LRRK2: variants seen among roughly 807,000 people sequenced by gnomAD.
LRRK2 encodes leucine rich repeat kinase 2.
Under a neutral mutation model 302.6 loss-of-function variants are expected in LRRK2, and 203 were observed. The observed-to-expected ratio is 0.67, with a 90% CI of 0.60 to 0.75. The LOEUF (loss-of-function observed/expected upper bound fraction) is 0.75. Ranked by LOEUF, LRRK2 falls within the 30% of genes least tolerant of loss-of-function variation. LRRK2 has a pLI of 0.00. For missense variants in LRRK2, 2,830 were observed against 2,951.0 expected, an observed-to-expected ratio of 0.96 and a Z score of 0.95; for synonymous variants, 1,066 against 1,031.9, an observed-to-expected ratio of 1.03 and a Z score of -0.63.
chr12:40,294,834 T>C lies in LRRK2; in HGVS notation c.2809-11T>C. 1 of 1,455,274 alleles carries C rather than the reference T, an allele frequency of 6.9e-7. No homozygotes were observed. Among genetic ancestry groups the C allele is most frequent in the Non-Finnish European group, 9.6e-7 (1 of 1,042,994 alleles). The allele number at this position is 1,455,274 out of a possible 1,614,324, so 90.1% of individuals were successfully genotyped here. ...ATGACAGCAATTTTATTATAAATTA[T>C]TTTTTAATAGGGGCCCATTTTTGAT... On this transcript the variant is annotated splice_polypyrimidine_tract_variant and intron_variant, in intron 21 of 50. Coordinates refer to ENST00000298910, the MANE Select transcript of LRRK2 (RefSeq NM_198578.4).
chr12:40,325,233 G>C (rs547333462), intron 38 of LRRK2, among the ~76,000 whole-genome samples: 1 of 152,170 alleles, frequency 6.6e-6, no homozygotes, highest in African/African-American at 2.4e-5. Context: ...GTTGCAGTGA[G>C]CCGAGGTTGT....
chr12:40,309,885 A>G (rs1175008454), intron 30 of LRRK2, among the ~76,000 whole-genome samples: 5 of 152,144 alleles, frequency 3.3e-5, no homozygotes, highest in African/African-American at 1.2e-4. Context: ...TTGTTTTGTA[A>G]TTTGGGTATT....
intron 12 of LRRK2, among the ~76,000 whole-genome samples, chr12:40,259,212 G>A (rs1481909801): frequency 6.6e-6 from 1 of 152,164 alleles, no homozygotes; most frequent in Non-Finnish European, 1.5e-5. Flanking sequence ...TGCTGGGATT[G>A]TTGTTATTGA....
chr12:40,274,016 T>C (rs988134279), intron 14 of LRRK2, among the ~76,000 whole-genome samples: 10 of 152,206 alleles, frequency 6.6e-5, no homozygotes, highest in Non-Finnish European at 1.2e-4. Context: ...GCCCAATGCA[T>C]ATTAGCTCTG....
intron 7 of LRRK2, 56 bp downstream of exon 7, chr12:40,243,737 A>T: frequency 2.8e-6 from 4 of 1,454,380 alleles, no homozygotes; most frequent in Non-Finnish European, 3.8e-6. Flanking sequence ...TATACATATA[A>T]AACATATATA....
intron 2 of LRRK2, among the ~76,000 whole-genome samples, chr12:40,229,872 T>C (rs1032875326): frequency 2.6e-5 from 4 of 152,080 alleles, no homozygotes; most frequent in Non-Finnish European, 4.4e-5. Flanking sequence ...TTACTGATAC[T>C]GTTGCTTCAC....
Position 40,322,046 on chromosome 12 carries a change from C to G in LRRK2, c.5182C>G (p.Arg1728Gly), listed in dbSNP as rs201292708. Residue 1728 changes from arginine (R) to glycine (G), a missense_variant, in exon 36 of 51, where the codon CGC becomes GGC. Physicochemically the swap from Arg to Gly is moderately radical, Grantham distance 125. Transcript: ENST00000298910. ...YMLSGRERAL[R>G]PNRMYWRQGI... is the part of the protein sequence containing the mutation. ...GCTCCATTTTTTAGAACGAGCACTTCGCCCAAACAGAATGTATTGGCGACA... is the reference window on the plus strand; with the variant it reads ...GCTCCATTTTTTAGAACGAGCACTTGGCCCAAACAGAATGTATTGGCGACA... The G allele has an allele frequency of 6.2e-7, 1 of 1,613,102 alleles. No individual in the cohort carries two copies. Among genetic ancestry groups the G allele is most frequent in the Non-Finnish European group, 8.5e-7 (1 of 1,179,416 alleles).
At chr12:40,311,503 ATGATCAAGATACTGGC>A (rs1945037224) in intron 31 of LRRK2, among the ~76,000 whole-genome samples, 1 of 152,202 alleles carries the variant, frequency 6.6e-6, no homozygotes, top group South Asian at 2.1e-4. Context: ...AATAGCACTA[ATGATCAAGATACTGGC>A]TGATAAATAG....
chr12:40,315,114 C>A, intron 32 of LRRK2, 98 bp from the exon 33 acceptor site: 1 of 973,220 alleles, frequency 1.0e-6, no homozygotes, highest in Non-Finnish European at 1.7e-6. Flanking sequence ...GAAATTTCTT[C>A]ACCTGCAAAA....
At chr12:40,299,075 G>A (rs762384167) in intron 24 of LRRK2, 34 bp from the exon 25 acceptor site, 1 of 1,605,176 alleles carries the variant, frequency 6.2e-7, no homozygotes, top group East Asian at 2.2e-5. Context: ...ATGAATTTAT[G>A]CAATTTAATC....
chr12:40,315,664 G>A lies in LRRK2; in HGVS notation c.4827+364G>A, dbSNP rs186283719. On this transcript the variant is annotated intron_variant, in intron 33 of 50. Coordinates refer to ENST00000298910, the MANE Select transcript of LRRK2 (RefSeq NM_198578.4). ...ACATATAAGAAAATTAGGTTGCTGA[G>A]CCTGTGAAACCTCTATCTAGATAAC... is the stretch of plus-strand genomic sequence containing the variant. Among the ~76,000 whole-genome samples, 644 of 152,132 alleles carry A rather than the reference G, an allele frequency of 4.2e-3. 3 individuals carry two copies. Among genetic ancestry groups the A allele is most frequent in the Middle Eastern group, 0.02 (6 of 294 alleles).
chr12:40,355,976 A>C, intron 45 of LRRK2, 139 bp from the exon 46 acceptor site: 1 of 632,066 alleles, frequency 1.6e-6, no homozygotes, highest in Non-Finnish European at 2.8e-6. Flanking sequence ...TTCTAAAGTA[A>C]ATACTCTAAG....
chr12:40,356,161 G>A lies in LRRK2; in HGVS notation c.6817G>A (p.Ala2273Thr). ...LLVGTADGKL[A>T]IFEDKTVKLK... ...GGTTGGAACCGCTGATGGCAAGTTA[G>A]CAATTTTTGAAGATAAGACTGTTAA... Residue 2273 changes from alanine (A) to threonine (T), a missense_variant, in exon 46 of 51, where the codon GCA (alanine) becomes ACA (threonine). Ala to Thr is a moderately conservative substitution (Grantham distance 58). Coordinates refer to ENST00000298910, the MANE Select transcript of LRRK2 (RefSeq NM_198578.4). 6.2e-7 allele frequency: 1 copy of A among 1,612,112 alleles called. No individual in the cohort carries two copies. Among genetic ancestry groups the A allele is most frequent in the Non-Finnish European group, 8.5e-7 (1 of 1,179,120 alleles).
chr12:40,234,836 C>T (rs1941376426), intron 3 of LRRK2, among the ~76,000 whole-genome samples: 1 of 151,834 alleles, frequency 6.6e-6, no homozygotes, highest in South Asian at 2.1e-4. Context: ...TATAAATTTA[C>T]ATCATATATA....
chr12:40,325,470 A>C (rs1457886096), intron 38 of LRRK2, among the ~76,000 whole-genome samples: 1 of 152,004 alleles, frequency 6.6e-6, no homozygotes, highest in Non-Finnish European at 1.5e-5. Context: ...TGGATAACTA[A>C]CTCTTTCTTA....
intron 28 of LRRK2, among the ~76,000 whole-genome samples, chr12:40,307,125 G>C (rs1178331495): frequency 6.6e-6 from 1 of 151,744 alleles, no homozygotes; most frequent in Non-Finnish European, 1.5e-5. Context: ...GAAAGACCTA[G>C]AGCAGATTAG....
chr12:40,349,982 T>C (rs1380387082), intron 43 of LRRK2, among the ~76,000 whole-genome samples: 3 of 152,234 alleles, frequency 2.0e-5, no homozygotes, highest in African/African-American at 7.2e-5. Context: ...AACTGCCCAG[T>C]TAACGTAAAT....
At chr12:40,342,857 T>C (rs960597673) in intron 41 of LRRK2, among the ~76,000 whole-genome samples, 2 of 152,108 alleles carry the variant, frequency 1.3e-5, no homozygotes, top group Non-Finnish European at 2.9e-5. Context: ...GCATTATGAG[T>C]GTAGGTCCAT....
intron 35 of LRRK2, 80 bp from the exon 36 acceptor site, chr12:40,321,955 A>G (rs1945415079): frequency 2.2e-6 from 3 of 1,380,166 alleles, no homozygotes; most frequent in South Asian, 1.2e-5. Context: ...GATCTGTATT[A>G]CAATCACTTG....
Sources: gnomAD v4.1 joint callset for allele counts (sites outside exome capture counted in the v4.1 genomes callset) on GRCh38, gnomAD v4.1.1 for gene constraint, MANE v1.5 for transcripts, NCBI Gene and HGNC (gene_info 2026-07-23, HGNC 2026-07-21) for gene names.